HERC1: variants seen among roughly 807,000 people sequenced by gnomAD.
HERC1 encodes the protein probable E3 ubiquitin-protein ligase HERC1.
Under a neutral mutation model 554.3 loss-of-function variants are expected in HERC1, and 160 were observed. The ratio of observed to expected loss-of-function variants is 0.29; its 90% CI spans 0.25 to 0.33. HERC1 has a LOEUF of 0.33. HERC1 is among the 10% of genes least tolerant of loss of function. HERC1 has a pLI of 1.00. For missense variants in HERC1, 4,919 were observed against 5,918.5 expected (o/e 0.83, Z 5.54); for synonymous variants, 2,175 against 2,131.7 (o/e 1.02, Z -0.56).
At chr15:63,765,147 A>G (rs556094270) in intron 2 of HERC1, among the ~76,000 whole-genome samples, 1 of 152,302 alleles carries the variant, frequency 6.6e-6, no homozygotes, top group East Asian at 1.9e-4. Flanking sequence ...TGTTCACCTT[A>G]TCTTATATAA....
intron 3 of HERC1, among the ~76,000 whole-genome samples, chr15:63,759,394 A>G (rs2075534813): frequency 6.6e-6 from 1 of 152,226 alleles, no homozygotes; most frequent in Non-Finnish European, 1.5e-5. Context: ...AAGCCTTTTT[A>G]AAACACCAGG....
At chr15:63,747,949 G>A (rs2075114859) in intron 10 of HERC1, 91 bp from the exon 11 acceptor site, 2 of 1,271,366 alleles carry the variant, frequency 1.6e-6, no homozygotes, top group Admixed American at 4.7e-5. Context: ...ATATTGGCTG[G>A]GCACGGTGGC....
intron 70 of HERC1, among the ~76,000 whole-genome samples, chr15:63,627,431 G>T (rs1327454341): frequency 6.6e-6 from 1 of 152,070 alleles, no homozygotes; most frequent in African/African-American, 2.4e-5. Flanking sequence ...CAGCACTTTG[G>T]GACGCTGAGG....
chr15:63,652,560 G>A lies in HERC1; in HGVS notation c.10291-19C>T. 1 of 1,544,022 alleles carries A rather than the reference G, an allele frequency of 6.5e-7. No individual in the cohort carries two copies. The highest frequency in any genetic ancestry group is 8.8e-7 in the Non-Finnish European group (1 of 1,137,362). Reference sequence around the variant, plus strand: ...TCATTACCTAGAAAAGTTGAAACAGGTAGTCTAATAATTTTCTATTCAAAT... The same window carrying A: ...TCATTACCTAGAAAAGTTGAAACAGATAGTCTAATAATTTTCTATTCAAAT... On this transcript the variant is annotated intron_variant, in intron 51 of 77. Coordinates refer to ENST00000443617, the MANE Select transcript of HERC1 (RefSeq NM_003922.4).
At chr15:63,664,056 A>C (rs1210799679) in intron 43 of HERC1, among the ~76,000 whole-genome samples, 1 of 152,214 alleles carries the variant, frequency 6.6e-6, no homozygotes, top group Non-Finnish European at 1.5e-5. Flanking sequence ...CTAGCAGTGA[A>C]GCCCTAACAA....
At chr15:63,619,561 AG>A (rs2067977512) in intron 74 of HERC1, among the ~76,000 whole-genome samples, 1 of 152,188 alleles carries the variant, frequency 6.6e-6, no homozygotes, top group African/African-American at 2.4e-5. Context: ...GAATAGTTTC[AG>A]AAGGAATGGT....
chr15:63,711,584 A>G (rs768537927), intron 24 of HERC1, among the ~76,000 whole-genome samples: 8 of 152,372 alleles, frequency 5.3e-5, no homozygotes, highest in Middle Eastern at 6.8e-3. Context: ...TTTTAAAACA[A>G]TAACTTATTC....
At position 63,675,926 on chromosome 15, in the gene HERC1, C is replaced by T. The variant is rs1316302794; in HGVS notation, c.7071-809G>A. 5.4e-5 allele frequency among the ~76,000 whole-genome samples: 7 copies of T among 130,528 alleles called. No homozygotes were observed. In the East Asian group the frequency reaches 6.3e-4, roughly 12 times the overall value. 85.6% of individuals were successfully genotyped at this position (130,528 alleles called of 152,430 possible). A position where few individuals can be genotyped will look rare whatever the true frequency, so the allele number is the denominator to read the frequency against. ...ATCTTTTTTTTTTTTTTTTTGGAGACGGAGTCTTGTTCTGTCACCCAGGCT... is the reference window on the plus strand; with the variant it reads ...ATCTTTTTTTTTTTTTTTTTGGAGATGGAGTCTTGTTCTGTCACCCAGGCT... On this transcript the variant is annotated intron_variant, in intron 37 of 77. Transcript: ENST00000443617.
At position 63,690,630 on chromosome 15, in the gene HERC1, T is replaced by A; in HGVS notation, c.5848A>T (p.Asn1950Tyr). 6.2e-7 allele frequency: 1 copy of A among 1,606,634 alleles called. No homozygotes were observed. Among genetic ancestry groups the A allele is most frequent in the Non-Finnish European group, 8.5e-7 (1 of 1,174,062 alleles). The change falls in exon 32 of 78, where the codon AAC becomes TAC. Residue 1950 changes from asparagine (N) to tyrosine (Y), a missense_variant. Coordinates refer to ENST00000443617, the MANE Select transcript of HERC1 (RefSeq NM_003922.4). ...AGTGCAAGGAGCCTTGTTCTTAAGT[T>A]ACCAACCAGAGGGATACCTGGAGGG... is the stretch of plus-strand genomic sequence containing the variant. ...KCSSGIPLVG[N>Y]LRTRLLALHV...
chr15:63,814,036 G>A (rs1232311708), intron 1 of HERC1, among the ~76,000 whole-genome samples: 1 of 152,118 alleles, frequency 6.6e-6, no homozygotes, highest in Admixed American at 6.5e-5. Flanking sequence ...TCCAGCCTGG[G>A]TGACAAGCGC....
rs200079504 is a variant in HERC1 at position 63,696,261 on chromosome 15, T to C, written c.4984A>G (p.Ser1662Gly). ...GACTGGAAGCCTGAACTCAATCTGC[T>C]TCCTGCCAGTGAGATGCTACCTTTT... ...EEKGSISLAG[S>G]RLSSGFQSST... The change falls in exon 27 of 78, where the codon AGC (serine) becomes GGC (glycine). Residue 1662 changes from serine to glycine, a missense_variant. Transcript: ENST00000443617. 9.3e-6 allele frequency: 15 copies of C among 1,613,390 alleles called. No individual in the cohort carries two copies. The African/African-American group carries it at 1.9e-4, about 20-fold the overall frequency.
At position 63,713,369 on chromosome 15, in the gene HERC1, C is replaced by G; in HGVS notation, c.4447G>C (p.Gly1483Arg). 6.2e-7 allele frequency: 1 copy of G among 1,613,768 alleles called. No homozygotes were observed. The highest frequency in any genetic ancestry group is 8.5e-7 in the Non-Finnish European group (1 of 1,179,736). ...CAGTCCCACCTGGTCATAAGTCCAC[C>G]CCCTTCAGAGGCACTTGTTGAAGGT... Reference protein sequence around the residue: ...QQPSTSASEGGGLMTRSESLT... With the variant: ...QQPSTSASEGRGLMTRSESLT... Residue 1483 changes from glycine (G) to arginine (R), a missense_variant, in exon 23 of 78, where the codon GGT (glycine) becomes CGT (arginine). Around this residue, in one of 11 missense-constraint regions of HERC1, gnomAD observed 1,121 missense variants for 1,244.0 expected, o/e 0.90. Transcript: ENST00000443617.
intron 1 of HERC1, among the ~76,000 whole-genome samples, chr15:63,785,367 A>T (rs553599732): frequency 6.6e-6 from 1 of 152,210 alleles, no homozygotes; most frequent in Non-Finnish European, 1.5e-5. Context: ...GCTGTGAGCT[A>T]TAAGTGCACC....
Position 63,733,505 on chromosome 15 carries a change from C to T in HERC1, c.2647-360G>A, listed in dbSNP as rs76428965. On this transcript the variant is annotated intron_variant, in intron 13 of 77. Coordinates refer to ENST00000443617, the MANE Select transcript of HERC1 (RefSeq NM_003922.4). Reference sequence around the variant, plus strand: ...ACATTACCAATGACAATTACTTATTCTAATGTTCAAAATAAATCACTTGAA... The same window carrying T: ...ACATTACCAATGACAATTACTTATTTTAATGTTCAAAATAAATCACTTGAA... Among the ~76,000 whole-genome samples the T allele has an allele frequency of 2.0e-4, 31 of 152,280 alleles. No homozygotes were observed. The East Asian group carries it at 5.4e-3, about 27-fold the overall frequency.
Position 63,775,647 on chromosome 15 carries a change from G to C in HERC1, c.-24C>G. On this transcript the variant is annotated splice_region_variant and 5_prime_UTR_variant, in exon 2 of 78. Transcript: ENST00000443617. This position sits in a 1 kb window ranked among gnomAD's most constrained non-coding sequence, Gnocchi z 4.0. ...ATGTTGATTTATCCTTCAGCCATTA[G>C]TCCTGCAAAGGGAGAAGAGAAAACA... is the stretch of plus-strand genomic sequence containing the variant. 1 of 1,537,596 alleles carries C rather than the reference G, an allele frequency of 6.5e-7. No individual in the cohort carries two copies. The highest frequency in any genetic ancestry group is 8.8e-7 in the Non-Finnish European group (1 of 1,137,084).
Position 63,698,858 on chromosome 15 carries a change from A to G in HERC1, c.4775T>C (p.Ile1592Thr), listed in dbSNP as rs755725831. 6.2e-7 allele frequency: 1 copy of G among 1,614,000 alleles called. No homozygotes were observed. Among genetic ancestry groups the G allele is most frequent in the East Asian group, 2.2e-5 (1 of 44,888 alleles). ...ACTCACAAAGCTTACAACATTTTCA[A>G]TCAAAGTGTGAACTCCCAAAGACTT... ...LTKSLGVHTL[I>T]ENVVSFVSGD... The change falls in exon 26 of 78, where the codon ATT becomes ACT. Residue 1592 changes from isoleucine to threonine, a missense_variant. Around this residue, in one of 11 missense-constraint regions of HERC1, gnomAD observed 1,121 missense variants for 1,244.0 expected, o/e 0.90. Transcript: ENST00000443617.
At chr15:63,724,946 T>C (rs983900965) in intron 18 of HERC1, among the ~76,000 whole-genome samples, 7 of 152,212 alleles carry the variant, frequency 4.6e-5, no homozygotes, top group Non-Finnish European at 8.8e-5. Context: ...CATGGTTAAG[T>C]ACTCTTACAG....
intron 69 of HERC1, 135 bp from the exon 70 acceptor site, chr15:63,628,950 A>AT: frequency 1.3e-6 from 1 of 765,532 alleles, no homozygotes; most frequent in South Asian, 1.9e-5. Context: ...AATAAAACAC[A>AT]TTCTTTTTTT....
At chr15:63,633,605 AC>A (rs2068659156) in intron 67 of HERC1, among the ~76,000 whole-genome samples, 1 of 152,168 alleles carries the variant, frequency 6.6e-6, no homozygotes, top group East Asian at 1.9e-4. Context: ...ACAGTGTGAA[AC>A]CCATTTTTGG....
Sources: gnomAD v4.1 joint callset for allele counts (sites outside exome capture counted in the v4.1 genomes callset) on GRCh38, gnomAD v4.1.1 for gene constraint, gnomAD v4.1.1 regional missense constraint, Gnocchi (gnomAD v3.1) non-coding constraint, MANE v1.5 for transcripts, NCBI Gene and HGNC (gene_info 2026-07-23, HGNC 2026-07-21) for gene names.